Variants in DOK1 observed in about 807,000 individuals in gnomAD.
DOK1 encodes the protein docking protein 1, also known as Downstream of tyrosine kinase 1.
Under a neutral mutation model 24.0 loss-of-function variants are expected in DOK1, and 12 were observed. That is an observed-to-expected ratio of 0.50 (90% CI 0.32 to 0.81). DOK1 has a LOEUF of 0.81. Ranked by LOEUF, DOK1 falls within the 30% of genes least tolerant of loss-of-function variation. DOK1 has a pLI of 0.03. For missense variants in DOK1, 591 were observed against 620.7 expected, an observed-to-expected ratio of 0.95 and a Z score of 0.51; for synonymous variants, 250 against 260.9, an observed-to-expected ratio of 0.96 and a Z score of 0.40.
At chr2:74,550,936 T>C (rs1453984951), upstream of DOK1, among the ~76,000 whole-genome samples, 1 of 146,042 alleles carries the variant, frequency 6.8e-6, no homozygotes, top group Non-Finnish European at 1.5e-5. Context: ...TGAAACCTGT[T>C]TTTTTTTTTT....
rs543360875 is a variant in DOK1 at position 74,555,231 on chromosome 2, G to C, written c.138G>C (p.Lys46Asn). The C allele has an allele frequency of 6.2e-6, 10 of 1,613,794 alleles. No individual in the cohort carries two copies. Among genetic ancestry groups the C allele is most frequent in the South Asian group, 2.2e-5 (2 of 91,090 alleles). The change falls in exon 2 of 5, where the codon AAG becomes AAC. Residue 46 changes from lysine to asparagine, a missense_variant. Lys to Asn is a moderately conservative substitution (Grantham distance 94). Coordinates refer to ENST00000233668, the MANE Select transcript of DOK1 (RefSeq NM_001381.5). The surrounding 1 kb of genome is among the most constrained non-coding windows in gnomAD (Gnocchi z 6.1). Reference sequence around the variant, plus strand: ...CGCGGCTCGAGTTCTTTGACCATAAGGGGTCGAGCTCTGGGGGTGGCCGAG... The same window carrying C: ...CGCGGCTCGAGTTCTTTGACCATAACGGGTCGAGCTCTGGGGGTGGCCGAG... ...GVARLEFFDH[K>N]GSSSGGGRGS... is the part of the protein sequence containing the mutation.
At chr2:74,552,697 C>T, upstream of DOK1, 1 of 1,418,966 alleles carries the variant, frequency 7.0e-7, no homozygotes, top group South Asian at 1.4e-5. Context: ...TTGAGTGGGG[C>T]CCAGAGTCAG....
rs953618413 is a variant in DOK1, at chr2:74,555,413, G to A, written c.320G>A (p.Ser107Asn). 1.9e-6 allele frequency: 3 copies of A among 1,611,282 alleles called. No individual in the cohort carries two copies. The highest frequency in any genetic ancestry group is 2.5e-6 in the Non-Finnish European group (3 of 1,179,364). Residue 107 changes from serine to asparagine, a missense_variant, in exon 2 of 5, where the codon AGT becomes AAT. Physicochemically the swap from Ser to Asn is conservative, Grantham distance 46. Transcript: ENST00000233668. This position sits in a 1 kb window ranked among gnomAD's most constrained non-coding sequence, Gnocchi z 6.1. Reference sequence around the variant, plus strand: ...CTGCTGGCGGCCGACGCGCCGTCCAGTGCAGCCTGGGTGCAGACGCTGTGC... The same window carrying A: ...CTGCTGGCGGCCGACGCGCCGTCCAATGCAGCCTGGGTGCAGACGCTGTGC... The part of the protein sequence containing the change: ...SHLLAADAPS[S>N]AAWVQTLCRN...
Position 74,555,385 on chromosome 2 carries a change from C to T in DOK1, c.292C>T (p.His98Tyr). ...AFRLDTAQRS[H>Y]LLAADAPSSA... ...CCGCCTGGACACTGCTCAGCGCTCG[C>T]ACCTGCTGGCGGCCGACGCGCCGTC... Residue 98 changes from histidine (H) to tyrosine (Y), a missense_variant, in exon 2 of 5, where the codon CAC becomes TAC. By Grantham distance (83) the His-to-Tyr change is moderately conservative (BLOSUM62 2). Coordinates refer to ENST00000233668, the MANE Select transcript of DOK1 (RefSeq NM_001381.5). The surrounding 1 kb of genome is among the most constrained non-coding windows in gnomAD (Gnocchi z 6.1). 6.2e-7 allele frequency: 1 copy of T among 1,612,670 alleles called. No individual in the cohort carries two copies. The highest frequency in any genetic ancestry group is 8.5e-7 in the Non-Finnish European group (1 of 1,179,664).
Position 74,554,912 on chromosome 2 carries a change from C to T in DOK1, c.60+98C>T, listed in dbSNP as rs1400944808. 9.0e-6 allele frequency: 14 copies of T among 1,561,340 alleles called. No individual in the cohort carries two copies. Among genetic ancestry groups the T allele is most frequent in the Non-Finnish European group, 1.1e-5 (13 of 1,149,764 alleles). ...TGGGCAGCGGGCTGGAGAGCGGCGCCGGGAGTTGGAGAGCCTGTGACTTTC... is the reference window on the plus strand; with the variant it reads ...TGGGCAGCGGGCTGGAGAGCGGCGCTGGGAGTTGGAGAGCCTGTGACTTTC... On this transcript the variant is annotated intron_variant, in intron 1 of 4. Coordinates refer to ENST00000233668, the MANE Select transcript of DOK1 (RefSeq NM_001381.5). This position sits in a 1 kb window ranked among gnomAD's most constrained non-coding sequence, Gnocchi z 4.9.
Position 74,555,799 on chromosome 2 carries a change from A to G in DOK1, c.455-95A>G. Reference sequence around the variant, plus strand: ...GGAAGGCCCTGAGATCTGGCTTCCGAGTGAGTGCTTGGACACTATGCTCAT... The same window carrying G: ...GGAAGGCCCTGAGATCTGGCTTCCGGGTGAGTGCTTGGACACTATGCTCAT... On this transcript the variant is annotated intron_variant, in intron 3 of 4. Coordinates refer to ENST00000233668, the MANE Select transcript of DOK1 (RefSeq NM_001381.5). This position sits in a 1 kb window ranked among gnomAD's most constrained non-coding sequence, Gnocchi z 6.1. 1 of 1,584,428 alleles carries G rather than the reference A, an allele frequency of 6.3e-7. No homozygotes were observed. Among genetic ancestry groups the G allele is most frequent in the Non-Finnish European group, 8.6e-7 (1 of 1,165,854 alleles).
At position 74,556,688 on chromosome 2, in the gene DOK1, G is replaced by T. The variant is rs143653664; in HGVS notation, c.1020G>T (p.Leu340Phe). The T allele has an allele frequency of 5.6e-6, 9 of 1,614,136 alleles. No individual in the cohort carries two copies. The highest frequency in any genetic ancestry group is 2.7e-5 in the African/African-American group (2 of 74,942). The change falls in exon 5 of 5, where the codon TTG becomes TTT. Residue 340 changes from leucine (L) to phenylalanine (F), a missense_variant. Leu to Phe is a conservative substitution (Grantham distance 22). Coordinates refer to ENST00000233668, the MANE Select transcript of DOK1 (RefSeq NM_001381.5). The surrounding 1 kb of genome is among the most constrained non-coding windows in gnomAD (Gnocchi z 4.1). The stretch of plus-strand genomic sequence containing the variant: ...GGAAGAAACCTCTCTATTGGGACTT[G>T]TATGAGCATGCGCAGCAGCAGTTGC... ...VQRKKPLYWD[L>F]YEHAQQQLLK...
rs1677407882 is a variant in DOK1, at chr2:74,555,787, A to C, written c.455-107A>C. 1 of 1,586,972 alleles carries C rather than the reference A, an allele frequency of 6.3e-7. No individual in the cohort carries two copies. The highest frequency in any genetic ancestry group is 8.6e-7 in the Non-Finnish European group (1 of 1,166,880). On this transcript the variant is annotated intron_variant, in intron 3 of 4. Transcript: ENST00000233668. The surrounding 1 kb of genome is among the most constrained non-coding windows in gnomAD (Gnocchi z 6.1). ...AAGTAAGAAGTAGGAAGGCCCTGAGATCTGGCTTCCGAGTGAGTGCTTGGA... is the reference window on the plus strand; with the variant it reads ...AAGTAAGAAGTAGGAAGGCCCTGAGCTCTGGCTTCCGAGTGAGTGCTTGGA...
At chr2:74,551,717 A>G (rs13430658), upstream of DOK1, among the ~76,000 whole-genome samples, 11,271 of 152,320 alleles carry the variant, frequency 0.074, 779 homozygotes, top group African/African-American at 0.18. Flanking sequence ...GGAACTGGGG[A>G]ATCAGCTGCA....
chr2:74,557,304 C>T lies in DOK1; in HGVS notation c.*190C>T, dbSNP rs1315226095. 1.7e-6 allele frequency: 1 copy of T among 598,782 alleles called. No homozygotes were observed. The highest frequency in any genetic ancestry group is 2.9e-6 in the Non-Finnish European group (1 of 350,462). The allele number at this position is 598,782 out of a possible 1,614,324, so 37.1% of individuals were successfully genotyped here. A position where few individuals can be genotyped will look rare whatever the true frequency, so the allele number is the denominator to read the frequency against. On this transcript the variant is annotated 3_prime_UTR_variant, in exon 5 of 5. Coordinates refer to ENST00000233668, the MANE Select transcript of DOK1 (RefSeq NM_001381.5). Reference sequence around the variant, plus strand: ...AAGTCCTAAGAAGTGGGGCAGATGGCAGGGCTGAGGATGGGCTCTGCATCC... The same window carrying T: ...AAGTCCTAAGAAGTGGGGCAGATGGTAGGGCTGAGGATGGGCTCTGCATCC...
chr2:74,554,824 C>T lies in DOK1; in HGVS notation c.60+10C>T, dbSNP rs775129381. ...GCGCTTTGGGACCAAGGTAGTCTGG[C>T]GCATGGATGCCGAACCTTATCCGGG... is the stretch of plus-strand genomic sequence containing the variant. On this transcript the variant is annotated intron_variant, in intron 1 of 4. Transcript: ENST00000233668. This position sits in a 1 kb window ranked among gnomAD's most constrained non-coding sequence, Gnocchi z 4.9. The T allele has an allele frequency of 5.6e-6, 9 of 1,613,864 alleles. No homozygotes were observed. The highest frequency in any genetic ancestry group is 7.6e-6 in the Non-Finnish European group (9 of 1,179,910).
rs942086901 is a variant in DOK1, at chr2:74,555,089, C to T, written c.61-65C>T. On this transcript the variant is annotated intron_variant, in intron 1 of 4. Coordinates refer to ENST00000233668, the MANE Select transcript of DOK1 (RefSeq NM_001381.5). This position sits in a 1 kb window ranked among gnomAD's most constrained non-coding sequence, Gnocchi z 6.1. ...AATCGACTTGCGCCGCAACCTCCTT[C>T]CCCGTCGGGACCCGGGCCGCCTGCG... 87 of 1,538,726 alleles carry T rather than the reference C, an allele frequency of 5.7e-5. No homozygotes were observed. In the Admixed American group the frequency reaches 7.3e-4, roughly 13 times the overall value.
At chr2:74,551,820 A>C (rs1677033935), upstream of DOK1, among the ~76,000 whole-genome samples, 1 of 152,206 alleles carries the variant, frequency 6.6e-6, no homozygotes, top group South Asian at 2.1e-4. Context: ...TTAAGCCTCC[A>C]CCACCCACAC....
At position 74,554,771 on chromosome 2, in the gene DOK1, T is replaced by TGGAA; in HGVS notation, c.20_23dup (p.Pro9ArgfsTer37). On this transcript the variant is annotated frameshift_variant, in exon 1 of 5. Coordinates refer to ENST00000233668, the MANE Select transcript of DOK1 (RefSeq NM_001381.5). LOFTEE classifies it high-confidence loss of function. The surrounding 1 kb of genome is among the most constrained non-coding windows in gnomAD (Gnocchi z 4.9). ...CCGGGGGCCATGGACGGAGCAGTGA[T>TGGAA]GGAAGGGCCGCTTTTTTTGCAGAGT... The TGGAA allele has an allele frequency of 1.2e-6, 2 of 1,613,420 alleles. No individual in the cohort carries two copies. The highest frequency in any genetic ancestry group is 8.5e-7 in the Non-Finnish European group (1 of 1,179,676).
chr2:74,556,291 C>A lies in DOK1; in HGVS notation c.640-17C>A. ...TGATGGCTCCTGGTAATGTGTTTCCCCCTCTACCCTCCTTAGGTCATGTTC... is the reference window on the plus strand; with the variant it reads ...TGATGGCTCCTGGTAATGTGTTTCCACCTCTACCCTCCTTAGGTCATGTTC... On this transcript the variant is annotated splice_polypyrimidine_tract_variant and intron_variant, in intron 4 of 4. Coordinates refer to ENST00000233668, the MANE Select transcript of DOK1 (RefSeq NM_001381.5). The surrounding 1 kb of genome is among the most constrained non-coding windows in gnomAD (Gnocchi z 4.1). 1.2e-6 allele frequency: 2 copies of A among 1,603,736 alleles called. No homozygotes were observed. The highest frequency in any genetic ancestry group is 2.2e-5 in the South Asian group (2 of 90,358).
rs571694864 is a variant in DOK1 at position 74,555,710 on chromosome 2, A to G, written c.454+42A>G. ...CCCGGGCAGGGATGGAGTGAAGAGG[A>G]GGAGGGCCGAGGGCCTTTGGGAAGT... On this transcript the variant is annotated intron_variant, in intron 3 of 4. Coordinates refer to ENST00000233668, the MANE Select transcript of DOK1 (RefSeq NM_001381.5). This position sits in a 1 kb window ranked among gnomAD's most constrained non-coding sequence, Gnocchi z 6.1. 1.4e-5 allele frequency: 23 copies of G among 1,612,054 alleles called. No individual in the cohort carries two copies. In the East Asian group the frequency reaches 4.2e-4, roughly 30 times the overall value.
chr2:74,552,342 G>A, upstream of DOK1: 1 of 1,601,710 alleles, frequency 6.2e-7, no homozygotes, highest in South Asian at 1.1e-5. Flanking sequence ...GCCATATTTG[G>A]CACTGTGGGT....
rs2104472417 is a variant in DOK1 at position 74,556,170 on chromosome 2, C to T, written c.639+92C>T. ...AGTGGGAAGCTCTGACCTTTGGATCCCCCTTTCTTGCCTACCCGGTGACCC... is the reference window on the plus strand; with the variant it reads ...AGTGGGAAGCTCTGACCTTTGGATCTCCCTTTCTTGCCTACCCGGTGACCC... On this transcript the variant is annotated intron_variant, in intron 4 of 4. Coordinates refer to ENST00000233668, the MANE Select transcript of DOK1 (RefSeq NM_001381.5). This position sits in a 1 kb window ranked among gnomAD's most constrained non-coding sequence, Gnocchi z 4.1. 6.5e-7 allele frequency: 1 copy of T among 1,529,392 alleles called. No individual in the cohort carries two copies. The highest frequency in any genetic ancestry group is 2.3e-5 in the East Asian group (1 of 44,144). The allele number at this position is 1,529,392 out of a possible 1,614,324, so 94.7% of individuals were successfully genotyped here.
At chr2:74,554,329 C>A, upstream of DOK1, 1 of 180,050 alleles carries the variant, frequency 5.6e-6, no homozygotes, top group East Asian at 1.8e-4. The surrounding 1 kb of genome is among the most constrained non-coding windows in gnomAD (Gnocchi z 4.9). Flanking sequence ...CCGGCTCGGG[C>A]GGGGCTGGGG....
Sources: allele counts gnomAD v4.1 joint callset (sites outside exome capture counted in the v4.1 genomes callset), GRCh38; gene constraint gnomAD v4.1.1; non-coding constraint Gnocchi (gnomAD v3.1); transcripts MANE v1.5; gene names NCBI Gene and HGNC (gene_info 2026-07-23, HGNC 2026-07-21).